Variants in LRRC9 observed in about 807,000 individuals in gnomAD.
LRRC9 encodes leucine-rich repeat-containing protein 9.
In LRRC9, 122 loss-of-function variants were observed where a neutral mutation model predicts 63.2. The observed-to-expected ratio is 1.93, with a 90% CI of 1.67 to 2.24. LRRC9 has a LOEUF of 2.24. LRRC9 is among the 30% of genes most tolerant of loss of function. The pLI, the probability that LRRC9 is intolerant of heterozygous loss-of-function variation, is 0.00. For missense variants in LRRC9, 1,071 were observed against 627.7 expected (o/e 1.71, Z -7.55); for synonymous variants, 366 against 213.1 (o/e 1.72, Z -6.25).
At chr14:60,007,623 T>C (rs1340404283) in intron 22 of LRRC9, among the ~76,000 whole-genome samples, 1 of 152,178 alleles carries the variant, frequency 6.6e-6, no homozygotes, top group Non-Finnish European at 1.5e-5. Context: ...AAAGTATATT[T>C]GTCTTAAACA....
downstream of LRRC9, among the ~76,000 whole-genome samples, chr14:60,066,285 TTC>T (rs1894882490): frequency 6.6e-6 from 1 of 152,074 alleles, no homozygotes; most frequent in Non-Finnish European, 1.5e-5. Flanking sequence ...AACATGCCAT[TTC>T]ACTCTTCATA....
chr14:59,952,847 C>A (rs1011525085), intron 8 of LRRC9, among the ~76,000 whole-genome samples: 3 of 152,128 alleles, frequency 2.0e-5, no homozygotes, highest in Admixed American at 1.3e-4. Context: ...TGTGATGTTC[C>A]CCTCCCTGTG....
At chr14:59,926,072 C>G (rs1395833307) in intron 1 of LRRC9, among the ~76,000 whole-genome samples, 2 of 152,172 alleles carry the variant, frequency 1.3e-5, no homozygotes, top group East Asian at 3.9e-4. Context: ...TTCCTGAGGC[C>G]TTCCCAGCCA....
At chr14:60,063,630 C>CA (rs1381026668), downstream of LRRC9, 11 of 353,610 alleles carry the variant, frequency 3.1e-5, no homozygotes, top group African/African-American at 2.3e-4. Context: ...CATCAGACTA[C>CA]AATTTGAAAA....
At chr14:59,976,719 A>G (rs1488200671) in intron 13 of LRRC9, among the ~76,000 whole-genome samples, 1 of 152,188 alleles carries the variant, frequency 6.6e-6, no homozygotes, top group Non-Finnish European at 1.5e-5. Flanking sequence ...AATTCCTTTG[A>G]ACATTTTATG....
At chr14:59,963,946 C>A (rs1373762659) in intron 10 of LRRC9, among the ~76,000 whole-genome samples, 1 of 152,140 alleles carries the variant, frequency 6.6e-6, no homozygotes, top group Non-Finnish European at 1.5e-5. Context: ...GCTAAATGAG[C>A]ACATTATTGT....
At chr14:59,975,524 G>A (rs1886176746) in intron 13 of LRRC9, among the ~76,000 whole-genome samples, 1 of 151,896 alleles carries the variant, frequency 6.6e-6, no homozygotes, top group Admixed American at 6.6e-5. Flanking sequence ...CATGGACTGG[G>A]GAAAAAGACT....
chr14:59,955,104 C>G (rs1883592074), intron 8 of LRRC9, among the ~76,000 whole-genome samples: 1 of 152,082 alleles, frequency 6.6e-6, no homozygotes, highest in African/African-American at 2.4e-5. Context: ...CTGATATTTT[C>G]TTTTTTTGTT....
intron 29 of LRRC9, among the ~76,000 whole-genome samples, chr14:60,048,972 G>A (rs1450188201): frequency 6.6e-6 from 1 of 152,108 alleles, no homozygotes; most frequent in Non-Finnish European, 1.5e-5. Context: ...TGCAAGGTTG[G>A]TTCAACACGT....
chr14:59,981,687 A>G (rs542432154), intron 15 of LRRC9, among the ~76,000 whole-genome samples, 161 bp from the exon 16 acceptor site: 1 of 152,346 alleles, frequency 6.6e-6, no homozygotes, highest in South Asian at 2.1e-4. Context: ...CATAGCCTAC[A>G]ATTTTAATCT....
In LRRC9 at chr14:60,007,248, C is replaced by T. The variant is rs538039122; in HGVS notation, c.3063+631C>T. 4.6e-5 allele frequency among the ~76,000 whole-genome samples: 7 copies of T among 152,240 alleles called. No individual in the cohort carries two copies. In the East Asian group the frequency reaches 5.8e-4, roughly 13 times the overall value. On this transcript the variant is annotated intron_variant, in intron 22 of 31. Coordinates refer to ENST00000445360, the Ensembl canonical transcript of LRRC9. ...TCTTAGTTCAGACTTCTCCCCATTC[C>T]GTTCCCCCAGTATAATTACTACTTC...
intron 29 of LRRC9, among the ~76,000 whole-genome samples, chr14:60,033,642 A>G (rs1272069571): frequency 6.6e-6 from 1 of 152,076 alleles, no homozygotes; most frequent in Non-Finnish European, 1.5e-5. Flanking sequence ...TTTATATTTT[A>G]TTGGATTCAA....
At chr14:59,957,923 C>G (rs967021381) in intron 8 of LRRC9, among the ~76,000 whole-genome samples, 1 of 152,182 alleles carries the variant, frequency 6.6e-6, no homozygotes, top group Non-Finnish European at 1.5e-5. Flanking sequence ...GAGGTCAACT[C>G]CAGACCCTGT....
At chr14:59,960,878 C>A (rs943638777) in intron 9 of LRRC9, 36 bp from the exon 10 acceptor site, 1 of 531,110 alleles carries the variant, frequency 1.9e-6, no homozygotes. Context: ...ATTTTTAGAT[C>A]ATTCTAATAG....
Position 60,058,185 on chromosome 14 carries a change from ATAGTTTTATTATTTT to A in LRRC9, c.4276+176_4276+190del, listed in dbSNP as rs1388387800. Among the ~76,000 whole-genome samples, 2 of 152,144 alleles carry A rather than the reference ATAGTTTTATTATTTT, an allele frequency of 1.3e-5. No homozygotes were observed. The highest frequency in any genetic ancestry group is 2.9e-5 in the Non-Finnish European group (2 of 68,004). ...TATGGCCATTTTGATTTCAGAGATTATAGTTTTATTATTTTTAGTTTTATTATAGCTTTTTTTGTA... is the reference window on the plus strand; with the variant it reads ...TATGGCCATTTTGATTTCAGAGATTATAGTTTTATTATAGCTTTTTTTGTA... On this transcript the variant is annotated intron_variant, in intron 31 of 31. Coordinates refer to ENST00000445360, the Ensembl canonical transcript of LRRC9. The surrounding 1 kb of genome is among the most constrained non-coding windows in gnomAD (Gnocchi z 4.4).
intron 19 of LRRC9, among the ~76,000 whole-genome samples, chr14:59,999,886 C>G (rs1889180004): frequency 6.6e-6 from 1 of 151,680 alleles, no homozygotes; most frequent in Admixed American, 6.6e-5. Context: ...GGGAATTTAC[C>G]CTAAGAAAAG....
intron 17 of LRRC9, among the ~76,000 whole-genome samples, chr14:59,994,628 T>C (rs1470860399): frequency 6.6e-6 from 1 of 152,114 alleles, no homozygotes; most frequent in African/African-American, 2.4e-5. Flanking sequence ...CCAACAATCA[T>C]AGACTGGATT....
At chr14:60,024,252 A>C (rs1477666815) in intron 27 of LRRC9, among the ~76,000 whole-genome samples, 2 of 152,006 alleles carry the variant, frequency 1.3e-5, no homozygotes, top group Non-Finnish European at 2.9e-5. Flanking sequence ...ACTAATTTAC[A>C]CTCCCACCAA....
intron 1 of LRRC9, among the ~76,000 whole-genome samples, chr14:59,925,698 C>A (rs112016668): frequency 6.6e-6 from 1 of 152,090 alleles, no homozygotes; most frequent in Non-Finnish European, 1.5e-5. Flanking sequence ...TTGATTTGGT[C>A]CCTTATATAT....
Sources: allele counts gnomAD v4.1 joint callset (sites outside exome capture counted in the v4.1 genomes callset), GRCh38; gene constraint gnomAD v4.1.1; non-coding constraint Gnocchi (gnomAD v3.1); transcripts MANE v1.5; gene names NCBI Gene and HGNC (gene_info 2026-07-23, HGNC 2026-07-21).